Variants in DOCK8 observed in about 807,000 individuals in gnomAD.
The protein encoded by DOCK8 is dedicator of cytokinesis protein 8.
Under a neutral mutation model 245.6 loss-of-function variants are expected in DOCK8, and 141 were observed. That is an observed-to-expected ratio of 0.57 (90% CI 0.50 to 0.66). DOCK8 has a LOEUF of 0.66. Among genes scored for constraint, DOCK8 ranks in the 30% least tolerant of loss-of-function variants. DOCK8 has a pLI of 0.00. For synonymous variants in DOCK8, 1,168 were observed against 970.2 expected, an observed-to-expected ratio of 1.20 and a Z score of -3.79; for missense variants, 2,965 against 2,603.4, an observed-to-expected ratio of 1.14 and a Z score of -3.02.
chr9:426,887 C>G lies in DOCK8; in HGVS notation c.4244C>G (p.Thr1415Arg). 1 of 1,614,060 alleles carries G rather than the reference C, an allele frequency of 6.2e-7. No homozygotes were observed. Among genetic ancestry groups the G allele is most frequent in the Non-Finnish European group, 8.5e-7 (1 of 1,179,982 alleles). Residue 1415 changes from threonine to arginine, a missense_variant and splice_region_variant, in exon 34 of 48, where the codon ACA becomes AGA. This residue lies in a region of DOCK8 where 2,825 missense variants were observed against 2,453.5 expected (regional missense o/e 1.15). Coordinates refer to ENST00000432829, the MANE Select transcript of DOCK8 (RefSeq NM_203447.4). ...WRQANEKLDK[T>R]KAELDQEALI... ...TTTGACCTCTTGTTGTTTCCTAGAACAAAGGCCGAGTTAGATCAAGAAGCC... is the reference window on the plus strand; with the variant it reads ...TTTGACCTCTTGTTGTTTCCTAGAAGAAAGGCCGAGTTAGATCAAGAAGCC...
rs555586397 is a variant in DOCK8 at position 334,848 on chromosome 9, G to A, written c.1285+464G>A. Among the ~76,000 whole-genome samples the A allele has an allele frequency of 2.8e-4, 42 of 152,202 alleles. No individual in the cohort carries two copies. The East Asian group carries it at 4.3e-3, about 16-fold the overall frequency. On this transcript the variant is annotated intron_variant, in intron 11 of 47. Coordinates refer to ENST00000432829, the MANE Select transcript of DOCK8 (RefSeq NM_203447.4). ...TGTAATCCCACCACTTTGGGAGGCC[G>A]AGGTAGGCGGATCGCTTGAAGCCAG... is the stretch of plus-strand genomic sequence containing the variant.
intron 11 of DOCK8, 41 bp downstream of exon 11, chr9:334,425 G>T (rs759158198): frequency 6.2e-6 from 10 of 1,604,044 alleles, no homozygotes; most frequent in African/African-American, 4.0e-5. Flanking sequence ...GGGCTCCCCA[G>T]TGTGCGCTGC....
intron 1 of DOCK8, among the ~76,000 whole-genome samples, chr9:217,131 T>C (rs149332974): frequency 8.1e-4 from 123 of 152,208 alleles, no homozygotes; most frequent in African/African-American, 2.4e-3. Context: ...ACAGAAAAAA[T>C]AATGCAAAAT....
Position 214,919 on chromosome 9 carries a change from C to T in DOCK8, c.-58C>T, listed in dbSNP as rs144097790. The T allele has an allele frequency of 1.3e-3, 2,150 of 1,604,366 alleles. 4 individuals are homozygous for T. The highest frequency in any genetic ancestry group is 1.4e-3 in the Non-Finnish European group (1,646 of 1,177,162). ...TGTTCCGCGGCTACTCTGCGGCGCG[C>T]CAGGCCCCCGCTTTCCGCACCCCGC... On this transcript the variant is annotated 5_prime_UTR_variant, in exon 1 of 48. Coordinates refer to ENST00000432829, the MANE Select transcript of DOCK8 (RefSeq NM_203447.4).
chr9:453,473 C>A (rs1176466455), intron 46 of DOCK8, among the ~76,000 whole-genome samples: 1 of 152,186 alleles, frequency 6.6e-6, no homozygotes, highest in Non-Finnish European at 1.5e-5. Flanking sequence ...GTTGCCCAGG[C>A]TGGAGTACAG....
chr9:242,818 T>A (rs2047406535), intron 1 of DOCK8, among the ~76,000 whole-genome samples: 1 of 152,080 alleles, frequency 6.6e-6, no homozygotes, highest in Non-Finnish European at 1.5e-5. Flanking sequence ...TTGTTTTTTT[T>A]TTTTTTCCAT....
intron 14 of DOCK8, among the ~76,000 whole-genome samples, chr9:349,350 C>G (rs1047219034): frequency 2.0e-5 from 3 of 152,244 alleles, no homozygotes; most frequent in South Asian, 4.1e-4. Context: ...GTTTCATGTT[C>G]TTTGACAACT....
intron 39 of DOCK8, among the ~76,000 whole-genome samples, chr9:435,990 A>G (rs1039272816): frequency 6.4e-4 from 98 of 152,352 alleles, no homozygotes; most frequent in African/African-American, 2.1e-3. Flanking sequence ...GGCTGATTTT[A>G]TGAAAAGCTT....
At chr9:396,656 C>T (rs2054470586) in intron 24 of DOCK8, 129 bp from the exon 25 acceptor site, 4 of 1,322,160 alleles carry the variant, frequency 3.0e-6, no homozygotes, top group South Asian at 2.4e-5. Flanking sequence ...GCTCGGGCAC[C>T]ACCAGCACAG....
intron 18 of DOCK8, among the ~76,000 whole-genome samples, chr9:373,225 A>C (rs967168408): frequency 6.6e-6 from 1 of 152,146 alleles, no homozygotes; most frequent in Non-Finnish European, 1.5e-5. Context: ...CCCTGACTGC[A>C]CCAGCTGTCA....
chr9:461,883 C>A (rs1444678005), intron 46 of DOCK8, among the ~76,000 whole-genome samples: 1 of 151,586 alleles, frequency 6.6e-6, no homozygotes, highest in Non-Finnish European at 1.5e-5. Flanking sequence ...TCTGTTTGGT[C>A]CTTTTCTGAA....
intron 20 of DOCK8, among the ~76,000 whole-genome samples, chr9:379,441 G>C (rs1328973274): frequency 6.6e-6 from 1 of 152,188 alleles, no homozygotes; most frequent in Non-Finnish European, 1.5e-5. Flanking sequence ...GCAGGTGATA[G>C]TGGTCGTGTG....
intron 1 of DOCK8, among the ~76,000 whole-genome samples, chr9:239,629 AG>A (rs1711521314): frequency 6.6e-6 from 1 of 152,188 alleles, no homozygotes; most frequent in Non-Finnish European, 1.5e-5. Context: ...TTATTACAAA[AG>A]CTGTATATAT....
chr9:299,907 A>G (rs1276234863), intron 4 of DOCK8, among the ~76,000 whole-genome samples: 2 of 151,922 alleles, frequency 1.3e-5, no homozygotes, highest in Non-Finnish European at 2.9e-5. Context: ...CTGTAGTCCA[A>G]GCTACTCAGG....
At chr9:297,703 A>G (rs1006192675) in intron 4 of DOCK8, among the ~76,000 whole-genome samples, 24 of 152,024 alleles carry the variant, frequency 1.6e-4, no homozygotes, top group African/African-American at 5.6e-4. Flanking sequence ...TCATCTTTAC[A>G]TGTTTGCCAA....
At chr9:315,380 G>C (rs768492237) in intron 6 of DOCK8, among the ~76,000 whole-genome samples, 7 of 152,128 alleles carry the variant, frequency 4.6e-5, no homozygotes, top group Non-Finnish European at 8.8e-5. Flanking sequence ...AATTCATATA[G>C]CTTAGAAGAG....
chr9:387,806 C>G (rs1245379078), intron 23 of DOCK8, among the ~76,000 whole-genome samples: 1 of 152,202 alleles, frequency 6.6e-6, no homozygotes, highest in African/African-American at 2.4e-5. Context: ...AGGTATTATA[C>G]CATTTTCCTT....
At chr9:345,750 T>C (rs1462970060) in intron 14 of DOCK8, among the ~76,000 whole-genome samples, 2 of 152,152 alleles carry the variant, frequency 1.3e-5, no homozygotes, top group African/African-American at 4.8e-5. Context: ...GGGGCACCAT[T>C]CGAGTTGCAT....
intron 39 of DOCK8, among the ~76,000 whole-genome samples, chr9:435,234 C>T (rs1356876444): frequency 6.6e-6 from 1 of 152,206 alleles, no homozygotes; most frequent in African/African-American, 2.4e-5. Context: ...CAAGTTCATA[C>T]ATTACATTTG....
Sources: gnomAD v4.1 joint callset for allele counts (sites outside exome capture counted in the v4.1 genomes callset) on GRCh38, gnomAD v4.1.1 for gene constraint, gnomAD v4.1.1 regional missense constraint, MANE v1.5 for transcripts, NCBI Gene and HGNC (gene_info 2026-07-23, HGNC 2026-07-21) for gene names.